Variants in C6orf141 observed in about 807,000 individuals in gnomAD.
C6orf141 encodes the protein chromosome 6 open reading frame 141.
For missense variants in C6orf141, 361 were observed against 335.8 expected (o/e 1.07, Z -0.59); for synonymous variants, 164 against 140.5 (o/e 1.17, Z -1.18).
chr6:49,554,255 A>AT (rs1261949051), downstream of C6orf141, among the ~76,000 whole-genome samples: 4 of 152,180 alleles, frequency 2.6e-5, no homozygotes, highest in African/African-American at 9.7e-5. Flanking sequence ...TCCCTCTGGG[A>AT]TTTTAAATCT....
downstream of C6orf141, among the ~76,000 whole-genome samples, chr6:49,554,680 C>G (rs1319955796): frequency 1.3e-5 from 2 of 152,020 alleles, no homozygotes; most frequent in African/African-American, 4.8e-5. Context: ...CCATGCCCGG[C>G]CTGTTTGAGT....
Position 49,551,891 on chromosome 6 carries a change from C to A in C6orf141, c.*364C>A. 9.0e-7 allele frequency: 1 copy of A among 1,111,622 alleles called. No homozygotes were observed. Among genetic ancestry groups the A allele is most frequent in the Non-Finnish European group, 1.1e-6 (1 of 899,572 alleles). The allele number at this position is 1,111,622 out of a possible 1,614,324, so 68.9% of individuals were successfully genotyped here. Reference sequence around the variant, plus strand: ...CTTGTTTCTCTTTAGGACCTAGAAACAGAAGTGAAGTTTGAAGTCTGCTCT... The same window carrying A: ...CTTGTTTCTCTTTAGGACCTAGAAAAAGAAGTGAAGTTTGAAGTCTGCTCT... On this transcript the variant is annotated 3_prime_UTR_variant, in exon 1 of 1. Transcript: ENST00000529246.
chr6:49,551,702 G>A lies in C6orf141; in HGVS notation c.*175G>A. 7.0e-7 allele frequency: 1 copy of A among 1,437,086 alleles called. No individual in the cohort carries two copies. The highest frequency in any genetic ancestry group is 1.4e-5 in the African/African-American group (1 of 69,596). 89.0% of individuals were successfully genotyped at this position (1,437,086 alleles called of 1,614,324 possible). On this transcript the variant is annotated 3_prime_UTR_variant, in exon 1 of 1. Coordinates refer to ENST00000529246, the MANE Select transcript of C6orf141 (RefSeq NM_001145652.2). Reference sequence around the variant, plus strand: ...TAAGCAGCATAATACCTCCTTTGTGGCTTGAATTCCTTCGCTGTCTGGGGA... The same window carrying A: ...TAAGCAGCATAATACCTCCTTTGTGACTTGAATTCCTTCGCTGTCTGGGGA...
At chr6:49,559,800 G>T (rs72868379) in intron 4 of C6orf141, among the ~76,000 whole-genome samples, 36,025 of 152,058 alleles carry the variant, frequency 0.24, 4,833 homozygotes, top group South Asian at 0.32. Context: ...TTAACAAAGC[G>T]AGAGAACTTT....
downstream of C6orf141, chr6:49,552,925 T>C (rs1169079935): frequency 6.6e-6 from 1 of 152,272 alleles, no homozygotes; most frequent in East Asian, 1.9e-4. Context: ...GTTTTCTTTC[T>C]TTTTCTATTT....
chr6:49,552,328 T>C (rs1770835993), downstream of C6orf141: 1 of 152,248 alleles, frequency 6.6e-6, no homozygotes, highest in Non-Finnish European at 1.5e-5. Flanking sequence ...ATGAGACTTG[T>C]AGTCAAGAAT....
Position 49,551,713 on chromosome 6 carries a change from T to C in C6orf141, c.*186T>C. The C allele has an allele frequency of 7.0e-7, 1 of 1,433,112 alleles. No individual in the cohort carries two copies. Among genetic ancestry groups the C allele is most frequent in the Non-Finnish European group, 9.1e-7 (1 of 1,093,070 alleles). 88.8% of individuals were successfully genotyped at this position (1,433,112 alleles called of 1,614,324 possible). On this transcript the variant is annotated 3_prime_UTR_variant, in exon 1 of 1. Transcript: ENST00000529246. ...ATACCTCCTTTGTGGCTTGAATTCC[T>C]TCGCTGTCTGGGGACCTAAGTCATT...
rs1184083801 is a variant in C6orf141 at position 49,550,918 on chromosome 6, A to G, written c.126A>G (p.Leu42=). ...GGGAGGTAGGGCGCGGGGCTCCGCT[A>G]GCTCCGGGCGCCCGGAATCCCGCGA... ...FPREVGRGAP[L]APGARNPATA... is the part of the protein sequence containing the mutation. Residue 42 remains leucine, a synonymous_variant, in exon 1 of 1, where the codon CTA becomes CTG. Transcript: ENST00000529246. 6.5e-7 allele frequency: 1 copy of G among 1,541,418 alleles called. No individual in the cohort carries two copies. The highest frequency in any genetic ancestry group is 2.1e-5 in the Admixed American group (1 of 47,428).
chr6:49,551,072 C>A lies in C6orf141; in HGVS notation c.280C>A (p.His94Asn). ...CAGAGAGAAAGTGCTCTTTCTCCTG[C>A]ACCCAGAGAGGTGGTTAGGGACTCG... is the stretch of plus-strand genomic sequence containing the variant. ...WVREKVLFLL[H>N]PERWLGTRGD... is the part of the protein sequence containing the mutation. Residue 94 changes from histidine to asparagine, a missense_variant, in exon 1 of 1, where the codon CAC becomes AAC. His to Asn is a moderately conservative substitution (Grantham distance 68, BLOSUM62 1). Coordinates refer to ENST00000529246, the MANE Select transcript of C6orf141 (RefSeq NM_001145652.2). The A allele has an allele frequency of 1.3e-6, 2 of 1,551,612 alleles. No individual in the cohort carries two copies. Among genetic ancestry groups the A allele is most frequent in the Non-Finnish European group, 1.7e-6 (2 of 1,146,984 alleles).
downstream of C6orf141, among the ~76,000 whole-genome samples, chr6:49,553,911 C>T (rs974717549): frequency 1.3e-5 from 2 of 152,082 alleles, no homozygotes; most frequent in Non-Finnish European, 2.9e-5. Context: ...TTCATCCTAA[C>T]TAGGCTTTAG....
chr6:49,553,402 T>C (rs1228038600), downstream of C6orf141, among the ~76,000 whole-genome samples: 2 of 152,238 alleles, frequency 1.3e-5, no homozygotes, highest in African/African-American at 4.8e-5. Context: ...TCAAAATTGC[T>C]TGACAGGTAG....
chr6:49,556,470 T>C (rs187685648), downstream of C6orf141, among the ~76,000 whole-genome samples: 186 of 152,344 alleles, frequency 1.2e-3, no homozygotes, highest in Middle Eastern at 6.8e-3. Context: ...TAATGAACCA[T>C]TGACTCATCA....
chr6:49,559,424 T>C (rs945289557), intron 4 of C6orf141, among the ~76,000 whole-genome samples: 9 of 151,896 alleles, frequency 5.9e-5, no homozygotes, highest in Non-Finnish European at 8.8e-5. Context: ...TGCTTTGGCA[T>C]AGTTTAATCC....
downstream of C6orf141, among the ~76,000 whole-genome samples, chr6:49,556,025 G>T (rs753917897): frequency 7.2e-5 from 11 of 152,172 alleles, no homozygotes; most frequent in Non-Finnish European, 1.6e-4. Flanking sequence ...TTCTGAATAT[G>T]ATCTGTATAT....
In C6orf141 at chr6:49,551,675, TG is replaced by T; in HGVS notation, c.*149del. ...CGCTTCGGGGAGGCAGATTAAGAAC[TG>T]TAAGCAGCATAATACCTCCTTTGTG... On this transcript the variant is annotated 3_prime_UTR_variant, in exon 1 of 1. Coordinates refer to ENST00000529246, the MANE Select transcript of C6orf141 (RefSeq NM_001145652.2). The T allele has an allele frequency of 6.2e-6, 9 of 1,462,152 alleles. No individual in the cohort carries two copies. In the South Asian group the frequency reaches 1.3e-4, roughly 22 times the overall value. The allele number at this position is 1,462,152 out of a possible 1,614,324, so 90.6% of individuals were successfully genotyped here.
At chr6:49,557,402 C>T (rs373867489) in intron 4 of C6orf141, among the ~76,000 whole-genome samples, 53 of 152,210 alleles carry the variant, frequency 3.5e-4, no homozygotes, top group East Asian at 1.7e-3. Context: ...GGCAGGAAAG[C>T]GAAGGCAGGT....
downstream of C6orf141, among the ~76,000 whole-genome samples, chr6:49,554,703 A>AT (rs201567900): frequency 1.3e-3 from 189 of 149,152 alleles, 2 homozygotes; most frequent in East Asian, 0.024. Context: ...ATTTTAAGTG[A>AT]TTTTTTTTTT....
chr6:49,561,692 C>T (rs7744362), intron 4 of C6orf141: 116,527 of 151,902 alleles, frequency 0.77, 46,408 homozygotes, highest in East Asian at 0.91. Flanking sequence ...TTATTCTTTT[C>T]TTAAAAAATA....
chr6:49,561,239 G>A (rs1773266287), intron 4 of C6orf141, among the ~76,000 whole-genome samples: 1 of 151,968 alleles, frequency 6.6e-6, no homozygotes, highest in African/African-American at 2.4e-5. Context: ...CTGAGATTAC[G>A]GGTGCGTGCA....
Sources: allele counts gnomAD v4.1 joint callset (sites outside exome capture counted in the v4.1 genomes callset), GRCh38; gene constraint gnomAD v4.1.1; transcripts MANE v1.5; gene names NCBI Gene and HGNC (gene_info 2026-07-23, HGNC 2026-07-21).